The following PHACTR3 variants were observed in gnomAD, a reference collection of about 807,000 sequenced individuals.
The protein encoded by PHACTR3 is phosphatase and actin regulator 3, also known as protein phosphatase 1, regulatory subunit 123.
PHACTR3 carries 16 observed loss-of-function variants against 66.8 expected under a neutral mutation model. The observed-to-expected ratio is 0.24, with a 90% confidence interval of 0.16 to 0.36. The LOEUF (loss-of-function observed/expected upper bound fraction) is 0.36, where lower values mean the gene tolerates loss of function less well. PHACTR3 is among the 10% of genes least tolerant of loss of function. The probability of loss-of-function intolerance (pLI) is 1.00; values close to 1 mark genes in which losing one functional copy is unlikely to be tolerated. For missense variants in PHACTR3, 647 were observed against 719.9 expected, an observed-to-expected ratio of 0.90 and a Z score of 1.16; for synonymous variants, 323 against 292.1, an observed-to-expected ratio of 1.11 and a Z score of -1.08.
intron 1 of PHACTR3, among the ~76,000 whole-genome samples, chr20:59,666,838 A>G (rs187040854): frequency 1.4e-3 from 211 of 152,350 alleles, no homozygotes; most frequent in African/African-American, 4.6e-3. Flanking sequence ...GAGAAGTCCC[A>G]TCACGCCCCT....
intron 1 of PHACTR3, among the ~76,000 whole-genome samples, chr20:59,652,180 A>G (rs78657596): frequency 0.068 from 10,416 of 152,240 alleles, 375 homozygotes; most frequent in South Asian, 0.1. Context: ...TCAGGCCTCT[A>G]TCAGGTCGGA....
At chr20:59,724,277 A>G (rs2038470534) in intron 1 of PHACTR3, among the ~76,000 whole-genome samples, 1 of 152,162 alleles carries the variant, frequency 6.6e-6, no homozygotes, top group Non-Finnish European at 1.5e-5. Context: ...ATGATTTCTG[A>G]GGCCAAGACC....
chr20:59,780,044 CTCTGGGCGCAGT>C (rs1335298311), intron 7 of PHACTR3, among the ~76,000 whole-genome samples: 1 of 152,188 alleles, frequency 6.6e-6, no homozygotes, highest in Non-Finnish European at 1.5e-5. Context: ...AGTGTCCCAG[CTCTGGGCGCAGT>C]AGAAACACGT....
intron 4 of PHACTR3, among the ~76,000 whole-genome samples, chr20:59,756,991 C>T (rs905344092): frequency 1.3e-5 from 2 of 152,132 alleles, no homozygotes; most frequent in Non-Finnish European, 2.9e-5. Flanking sequence ...CCAGAATCTA[C>T]GAAGAATTCA....
intron 1 of PHACTR3, among the ~76,000 whole-genome samples, chr20:59,637,416 C>T (rs2034935246): frequency 1.3e-5 from 2 of 152,200 alleles, no homozygotes; most frequent in South Asian, 4.1e-4. Context: ...TTTGTTTTAC[C>T]TCTAGCCATG....
At chr20:59,828,694 G>A (rs889169476) in intron 8 of PHACTR3, among the ~76,000 whole-genome samples, 3 of 152,024 alleles carry the variant, frequency 2.0e-5, no homozygotes, top group East Asian at 1.9e-4. Context: ...GCCATCACCC[G>A]GCATGGAGTT....
intron 1 of PHACTR3, among the ~76,000 whole-genome samples, chr20:59,630,831 G>A (rs1282101346): frequency 1.3e-5 from 2 of 152,034 alleles, no homozygotes; most frequent in African/African-American, 2.4e-5. Flanking sequence ...GTTGACTCAG[G>A]GGCAGAGGGT....
intron 1 of PHACTR3, among the ~76,000 whole-genome samples, chr20:59,674,614 C>G (rs1227061658): frequency 9.9e-6 from 1 of 101,108 alleles, no homozygotes; most frequent in African/African-American, 4.4e-5. Flanking sequence ...TCCTGTTCCC[C>G]CCTTCTCCTG....
chr20:59,784,745 A>G (rs1403448741), intron 7 of PHACTR3, among the ~76,000 whole-genome samples: 1 of 152,206 alleles, frequency 6.6e-6, no homozygotes, highest in Non-Finnish European at 1.5e-5. Flanking sequence ...GCCTTGGGCT[A>G]CACTGTGGGA....
intron 1 of PHACTR3, among the ~76,000 whole-genome samples, chr20:59,733,276 G>A (rs1293621156): frequency 6.6e-6 from 1 of 152,010 alleles, no homozygotes; most frequent in Non-Finnish European, 1.5e-5. Context: ...AATTTTCTAG[G>A]GGTGGAGGAG....
At chr20:59,826,433 C>T (rs1424688595) in intron 8 of PHACTR3, among the ~76,000 whole-genome samples, 4 of 152,114 alleles carry the variant, frequency 2.6e-5, no homozygotes, top group Admixed American at 6.5e-5. Context: ...GGAGGCCAGG[C>T]AGGGTGGTGG....
At chr20:59,626,275 C>T (rs1046710595) in intron 1 of PHACTR3, among the ~76,000 whole-genome samples, 3 of 151,846 alleles carry the variant, frequency 2.0e-5, no homozygotes, top group Admixed American at 2.0e-4. Context: ...TGAGTAGTCT[C>T]GTGGGATGAG....
At chr20:59,815,874 C>A (rs918977921) in intron 8 of PHACTR3, among the ~76,000 whole-genome samples, 3 of 152,056 alleles carry the variant, frequency 2.0e-5, no homozygotes, top group African/African-American at 7.3e-5. Flanking sequence ...GGGAATTTCT[C>A]CTTGCATAGC....
chr20:59,629,291 G>C (rs1427898118), intron 1 of PHACTR3, among the ~76,000 whole-genome samples: 1 of 152,200 alleles, frequency 6.6e-6, no homozygotes, highest in Admixed American at 6.5e-5. Flanking sequence ...TCTGGTGCCT[G>C]TGGAGGCTCA....
chr20:59,607,051 A>T (rs577586979), intron 1 of PHACTR3, among the ~76,000 whole-genome samples: 7 of 152,320 alleles, frequency 4.6e-5, no homozygotes, highest in South Asian at 2.1e-4. Flanking sequence ...TGGGAACTTG[A>T]TGGAGGAAGG....
intron 1 of PHACTR3, among the ~76,000 whole-genome samples, chr20:59,656,799 T>C (rs1288300417): frequency 6.6e-6 from 1 of 151,982 alleles, no homozygotes; most frequent in East Asian, 1.9e-4. Context: ...TTTTTAAAAA[T>C]TTATTTTCTT....
chr20:59,675,059 C>A (rs6070906), intron 1 of PHACTR3, among the ~76,000 whole-genome samples: 12,849 of 105,244 alleles, frequency 0.12, 1,149 homozygotes, highest in East Asian at 0.36. Context: ...CCTGTTCCTC[C>A]TTTTCCCCCT....
At chr20:59,775,870 A>G (rs2040521378) in intron 7 of PHACTR3, among the ~76,000 whole-genome samples, 1 of 152,226 alleles carries the variant, frequency 6.6e-6, no homozygotes, top group South Asian at 2.1e-4. Flanking sequence ...CGCTGGTGGC[A>G]AGAGGCCAGG....
intron 1 of PHACTR3, among the ~76,000 whole-genome samples, chr20:59,717,264 CT>C (rs2038125992): frequency 6.6e-6 from 1 of 152,064 alleles, no homozygotes; most frequent in South Asian, 2.1e-4. Flanking sequence ...CACTGGGTGA[CT>C]TTTTTAAATT....
Sources: allele counts gnomAD v4.1 joint callset (sites outside exome capture counted in the v4.1 genomes callset), GRCh38; gene constraint gnomAD v4.1.1; transcripts MANE v1.5; gene names NCBI Gene and HGNC (gene_info 2026-07-23, HGNC 2026-07-21).